NMNAT2: variants seen among roughly 807,000 people sequenced by gnomAD.
The protein encoded by NMNAT2 is nicotinamide nucleotide adenylyltransferase 2.
Under a neutral mutation model 41.6 loss-of-function variants are expected in NMNAT2, and 11 were observed. That is an observed-to-expected ratio of 0.26 (90% CI 0.17 to 0.44). The LOEUF (loss-of-function observed/expected upper bound fraction) is 0.44, where lower values mean the gene tolerates loss of function less well. Among genes scored for constraint, NMNAT2 ranks in the 20% least tolerant of loss-of-function variants. NMNAT2 has a pLI of 1.00. For synonymous variants in NMNAT2, 148 were observed against 151.2 expected (o/e 0.98, Z 0.16); for missense variants, 288 against 407.7 (o/e 0.71, Z 2.53).
At chr1:183,332,360 T>C (rs115584993) in intron 1 of NMNAT2, among the ~76,000 whole-genome samples, 1,725 of 152,298 alleles carry the variant, frequency 0.011, 23 homozygotes, top group South Asian at 0.066. Context: ...TAACTGTCTT[T>C]TGGGGAAATG....
At chr1:183,278,831 C>T (rs922951090) in intron 7 of NMNAT2, 17 of 565,620 alleles carry the variant, frequency 3.0e-5, no homozygotes, top group Non-Finnish European at 1.6e-5. Context: ...TTCCAGACCA[C>T]CCTCATCCCC....
intron 7 of NMNAT2, among the ~76,000 whole-genome samples, chr1:183,278,989 T>C (rs1314575961): frequency 6.6e-6 from 1 of 152,170 alleles, no homozygotes; most frequent in African/African-American, 2.4e-5. Flanking sequence ...TTGTCTAAGG[T>C]CTGAGGTACT....
intron 1 of NMNAT2, among the ~76,000 whole-genome samples, chr1:183,338,223 A>AGATCTATGATATGTCAGATCTATGATATG (rs61522654): frequency 6.7e-6 from 1 of 149,970 alleles, no homozygotes; most frequent in Non-Finnish European, 1.5e-5. Flanking sequence ...CAGATCATTA[A>AGATCTATGATATGTCAGATCTATGATATG]CCGTGAGGCA....
chr1:183,398,026 C>T (rs570199458), intron 1 of NMNAT2, among the ~76,000 whole-genome samples: 2 of 152,312 alleles, frequency 1.3e-5, no homozygotes, highest in African/African-American at 4.8e-5. Flanking sequence ...AACCAGCTAA[C>T]ATCATAATGA....
intron 8 of NMNAT2, among the ~76,000 whole-genome samples, chr1:183,269,304 G>A (rs1660920763): frequency 6.6e-6 from 1 of 152,190 alleles, no homozygotes; most frequent in South Asian, 2.1e-4. Flanking sequence ...AAGTAGACAA[G>A]TACCAGGTCA....
Position 183,295,868 on chromosome 1 carries a change from G to C in NMNAT2, c.86-2075C>G, listed in dbSNP as rs760779708. ...AGCTCATTTCTTTCTTTTTCTTTGA[G>C]AGGAAGTCTCGCTCTTGTCCCCTAA... On this transcript the variant is annotated intron_variant, in intron 1 of 10. Transcript: ENST00000287713. Among the ~76,000 whole-genome samples the C allele has an allele frequency of 2.2e-4, 34 of 151,896 alleles. 1 individual carries two copies. The highest frequency in any genetic ancestry group is 4.4e-4 in the Non-Finnish European group (30 of 68,028).
chr1:183,347,561 G>T (rs935853059), intron 1 of NMNAT2, among the ~76,000 whole-genome samples: 2 of 152,188 alleles, frequency 1.3e-5, no homozygotes, highest in Non-Finnish European at 2.9e-5. Flanking sequence ...GCTTGGGAAA[G>T]TGCCGGACAC....
In NMNAT2 at chr1:183,252,685, C is replaced by T. The variant is rs1194525447; in HGVS notation, c.880G>A (p.Asp294Asn). 3 of 1,613,928 alleles carry T rather than the reference C, an allele frequency of 1.9e-6. No homozygotes were observed. The highest frequency in any genetic ancestry group is 2.7e-5 in the African/African-American group (2 of 74,884). ...TACAGCTGGCTTTTGAGGATGTAGTCGATGACCGGCTGGGACAGGTAATCC... is the reference window on the plus strand; with the variant it reads ...TACAGCTGGCTTTTGAGGATGTAGTTGATGACCGGCTGGGACAGGTAATCC... Reference protein sequence around the residue: ...VVDYLSQPVIDYILKSQLYIN... With the variant: ...VVDYLSQPVINYILKSQLYIN... The change falls in exon 11 of 11, where the codon GAC becomes AAC. Residue 294 changes from aspartate to asparagine, a missense_variant. Physicochemically the swap from Asp to Asn is conservative, Grantham distance 23. Coordinates refer to ENST00000287713, the MANE Select transcript of NMNAT2 (RefSeq NM_015039.4).
At chr1:183,343,552 G>A (rs1662863461) in intron 1 of NMNAT2, among the ~76,000 whole-genome samples, 1 of 152,100 alleles carries the variant, frequency 6.6e-6, no homozygotes, top group African/African-American at 2.4e-5. Flanking sequence ...TATCAAAAAT[G>A]TTGTCTTTTT....
At chr1:183,363,280 A>T (rs878891811) in intron 1 of NMNAT2, among the ~76,000 whole-genome samples, 2 of 152,198 alleles carry the variant, frequency 1.3e-5, no homozygotes, top group Admixed American at 1.3e-4. Context: ...GATTTTTTAA[A>T]AATTTCTCTG....
At position 183,354,374 on chromosome 1, in the gene NMNAT2, A is replaced by C. The variant is rs146375391; in HGVS notation, c.86-60581T>G. 4.0e-4 allele frequency among the ~76,000 whole-genome samples: 59 copies of C among 148,266 alleles called. 2 individuals are homozygous for C. The East Asian group carries it at 0.011, about 27-fold the overall frequency. On this transcript the variant is annotated intron_variant, in intron 1 of 10. Coordinates refer to ENST00000287713, the MANE Select transcript of NMNAT2 (RefSeq NM_015039.4). The stretch of plus-strand genomic sequence containing the variant: ...TCATCGTATCTGTCCTGCTGTTATA[A>C]TTTAATCTTACTTGCCTGTGACCAT...
rs145025994 is a variant in NMNAT2, at chr1:183,284,083, C to T, written c.530-44G>A. 3.8e-4 allele frequency: 601 copies of T among 1,566,642 alleles called. 10 individuals carry two copies. The East Asian group carries it at 0.013, about 35-fold the overall frequency. The stretch of plus-strand genomic sequence containing the variant: ...AGGTAGGGCATTAGGGAACAGGCTT[C>T]CTGGTACCCAACACACAGTCTGCCT... On this transcript the variant is annotated intron_variant, in intron 6 of 10. Coordinates refer to ENST00000287713, the MANE Select transcript of NMNAT2 (RefSeq NM_015039.4).
chr1:183,353,934 C>A (rs1663122445), intron 1 of NMNAT2, among the ~76,000 whole-genome samples: 1 of 152,106 alleles, frequency 6.6e-6, no homozygotes, highest in Non-Finnish European at 1.5e-5. Context: ...TGGCTCCATT[C>A]CCTCTCTAGC....
intron 1 of NMNAT2, among the ~76,000 whole-genome samples, chr1:183,307,414 C>A (rs901654563): frequency 6.7e-6 from 1 of 149,154 alleles, no homozygotes; most frequent in African/African-American, 2.5e-5. Context: ...TCAAGTGATT[C>A]TCTTGCCTCA....
At chr1:183,329,074 A>G (rs1662526274) in intron 1 of NMNAT2, among the ~76,000 whole-genome samples, 1 of 152,160 alleles carries the variant, frequency 6.6e-6, no homozygotes, top group Admixed American at 6.5e-5. Context: ...AGAGACAGAC[A>G]TACTGCAAGG....
At chr1:183,263,125 C>A (rs1308537930) in intron 8 of NMNAT2, among the ~76,000 whole-genome samples, 2 of 152,144 alleles carry the variant, frequency 1.3e-5, no homozygotes, top group East Asian at 1.9e-4. Context: ...TACAACTGGA[C>A]CTAAACTTGC....
intron 1 of NMNAT2, among the ~76,000 whole-genome samples, chr1:183,399,407 G>A: frequency 6.6e-6 from 1 of 152,154 alleles, no homozygotes; most frequent in Non-Finnish European, 1.5e-5. Context: ...CTCTGTAACT[G>A]AGGCAATAAT....
chr1:183,344,219 T>A (rs1662878265), intron 1 of NMNAT2, among the ~76,000 whole-genome samples: 2 of 152,240 alleles, frequency 1.3e-5, no homozygotes, highest in Non-Finnish European at 1.5e-5. Context: ...TGAATGCGAT[T>A]AATTCTCACA....
rs200074277 is a variant in NMNAT2, at chr1:183,284,732, C to G, written c.507G>C (p.Pro169=). The G allele has an allele frequency of 3.7e-6, 6 of 1,613,898 alleles. No individual in the cohort carries two copies. The African/African-American group carries it at 6.7e-5, about 18-fold the overall frequency. Reference sequence around the variant, plus strand: ...CACCTACAAAGGTGAAACGCTCCACCGGCGGGCGGACACAGCAGATCCGGC... The same window carrying G: ...CACCTACAAAGGTGAAACGCTCCACGGGCGGGCGGACACAGCAGATCCGGC... ...SLSRICCVRP[P]VERFTFVDEN... Residue 169 remains proline, a synonymous_variant, in exon 6 of 11, where the codon CCG becomes CCC. Transcript: ENST00000287713.
Sources: gnomAD v4.1 joint callset for allele counts (sites outside exome capture counted in the v4.1 genomes callset) on GRCh38, gnomAD v4.1.1 for gene constraint, MANE v1.5 for transcripts, NCBI Gene and HGNC (gene_info 2026-07-23, HGNC 2026-07-21) for gene names.